The following MAF variants were observed in gnomAD, a reference collection of about 807,000 sequenced individuals.
MAF encodes transcription factor Maf.
MAF carries 10 observed loss-of-function variants against 22.0 expected under a neutral mutation model. That is an observed-to-expected ratio of 0.45 (90% CI 0.28 to 0.77). MAF has a LOEUF of 0.77. Among genes scored for constraint, MAF ranks in the 30% least tolerant of loss-of-function variants. The probability of loss-of-function intolerance (pLI) is 0.12; values close to 1 mark genes in which losing one functional copy is unlikely to be tolerated. For missense variants in MAF, 544 were observed against 548.4 expected (o/e 0.99, Z 0.08); for synonymous variants, 337 against 255.8 (o/e 1.32, Z -3.03).
the MAF span, among the ~76,000 whole-genome samples, chr16:79,230,142 T>C: frequency 6.6e-6 from 1 of 152,140 alleles, no homozygotes; most frequent in Non-Finnish European, 1.5e-5. Flanking sequence ...GCAAGCCCTA[T>C]CTTTGAGAAA....
chr16:79,488,691 A>G, the MAF span, among the ~76,000 whole-genome samples: 1 of 152,176 alleles, frequency 6.6e-6, no homozygotes, highest in Non-Finnish European at 1.5e-5. Flanking sequence ...GGGACAATGC[A>G]TCTCAGCCAT....
chr16:79,322,333 C>T, the MAF span, among the ~76,000 whole-genome samples: 4 of 152,072 alleles, frequency 2.6e-5, no homozygotes, highest in African/African-American at 9.7e-5. Flanking sequence ...ACCAACTGGC[C>T]ATTTTGAAGG....
chr16:79,307,831 T>C, the MAF span, among the ~76,000 whole-genome samples: 1 of 152,340 alleles, frequency 6.6e-6, no homozygotes. Context: ...CACCAAATCG[T>C]AAGCCAACAA....
At chr16:79,525,948 C>T in the MAF span, among the ~76,000 whole-genome samples, 16 of 152,256 alleles carry the variant, frequency 1.1e-4, 1 homozygote, top group South Asian at 1.0e-3. Flanking sequence ...TTCTTGGAGA[C>T]GTGAGGACAT....
the MAF span, among the ~76,000 whole-genome samples, chr16:79,298,970 A>G: frequency 1.3e-5 from 2 of 152,246 alleles, no homozygotes; most frequent in Non-Finnish European, 2.9e-5. Context: ...CGCCTGGCCC[A>G]CCAATGCTTG....
the MAF span, among the ~76,000 whole-genome samples, chr16:79,425,004 C>G: frequency 6.6e-6 from 1 of 152,122 alleles, no homozygotes; most frequent in South Asian, 2.1e-4. Context: ...ATGCTCTTTG[C>G]TTAGAGAAGG....
chr16:79,598,813 C>G lies in MAF; in HGVS notation c.1090G>C (p.Asp364His). Residue 364 changes from aspartate to histidine, a missense_variant, in exon 1 of 2, where the codon GAC (aspartate) becomes CAC (histidine). Around this residue, in one of 5 missense-constraint regions of MAF, gnomAD observed 129 missense variants for 113.6 expected, o/e 1.14. Coordinates refer to ENST00000326043, the MANE Select transcript of MAF (RefSeq NM_005360.5). ...AAAAACTCGGGAGAGGACGGGTTGT[C>G]GCTGCTCGAGCCGTTTTCTCGGAAG... ...SGFRENGSSS[D>H]NPSSPEFFIT... is the part of the protein sequence containing the mutation. The G allele has an allele frequency of 6.2e-7, 1 of 1,613,676 alleles. No homozygotes were observed. Among genetic ancestry groups the G allele is most frequent in the South Asian group, 1.1e-5 (1 of 91,034 alleles).
At chr16:79,570,420 C>T in the MAF span, among the ~76,000 whole-genome samples, 2 of 152,204 alleles carry the variant, frequency 1.3e-5, no homozygotes, top group Admixed American at 1.3e-4. Context: ...AGCCCTGGAG[C>T]ATCCTATCAC....
At chr16:79,309,983 G>A in the MAF span, among the ~76,000 whole-genome samples, 2 of 152,290 alleles carry the variant, frequency 1.3e-5, no homozygotes, top group East Asian at 1.9e-4. Context: ...AACTTACACC[G>A]TGGCTTAAAG....
At chr16:79,206,103 A>G in the MAF span, 2 of 152,092 alleles carry the variant, frequency 1.3e-5, no homozygotes, top group East Asian at 3.9e-4. Context: ...TATCATTTCA[A>G]TTTAGCTCCA....
chr16:79,431,171 C>A, the MAF span, among the ~76,000 whole-genome samples: 10 of 152,138 alleles, frequency 6.6e-5, no homozygotes, highest in Non-Finnish European at 1.5e-4. Context: ...CCCCATCCCT[C>A]AACCAAGCAT....
At chr16:79,270,216 CCCCTT>C in the MAF span, among the ~76,000 whole-genome samples, 1 of 151,830 alleles carries the variant, frequency 6.6e-6, no homozygotes, top group Non-Finnish European at 1.5e-5. Flanking sequence ...ACAGAAGGTA[CCCCTT>C]TAAAAAAGCA....
the MAF span, among the ~76,000 whole-genome samples, chr16:79,442,612 T>C: frequency 1.3e-5 from 2 of 152,200 alleles, no homozygotes; most frequent in African/African-American, 4.8e-5. Flanking sequence ...TGCAGCACGA[T>C]CATGGCTCAC....
the MAF span, among the ~76,000 whole-genome samples, chr16:79,289,855 T>TTTTTTTTTGTTTTG: frequency 7.8e-4 from 25 of 31,876 alleles, no homozygotes; most frequent in Middle Eastern, 0.025. Flanking sequence ...TGTTTGTGTA[T>TTTTTTTTTGTTTTG]TTTTTTTTTT....
the MAF span, among the ~76,000 whole-genome samples, chr16:79,525,888 A>T: frequency 6.6e-6 from 1 of 152,214 alleles, no homozygotes; most frequent in African/African-American, 2.4e-5. Context: ...GAATACAGTT[A>T]CTAACATCCC....
chr16:79,577,092 T>C, the MAF span, among the ~76,000 whole-genome samples: 1 of 152,060 alleles, frequency 6.6e-6, no homozygotes, highest in Admixed American at 6.6e-5. Flanking sequence ...TCTTTTTCAG[T>C]AGAAAAAAAG....
the MAF span, among the ~76,000 whole-genome samples, chr16:79,398,391 T>C: frequency 6.6e-6 from 1 of 152,232 alleles, no homozygotes; most frequent in African/African-American, 2.4e-5. Context: ...TAACAGAGCA[T>C]ATCCCCATTC....
At chr16:79,372,295 G>A in the MAF span, among the ~76,000 whole-genome samples, 1 of 151,920 alleles carries the variant, frequency 6.6e-6, no homozygotes, top group African/African-American at 2.4e-5. Flanking sequence ...AGAGCTGTAG[G>A]AACAAACATG....
the MAF span, among the ~76,000 whole-genome samples, chr16:79,263,942 G>C: frequency 3.5e-3 from 532 of 152,266 alleles, 4 homozygotes; most frequent in African/African-American, 0.012. Flanking sequence ...GGTTCTGGTG[G>C]CTAGATGTTT....
Sources: allele counts gnomAD v4.1 joint callset (sites outside exome capture counted in the v4.1 genomes callset), GRCh38; gene constraint gnomAD v4.1.1; regional missense constraint gnomAD v4.1.1; transcripts MANE v1.5; gene names NCBI Gene and HGNC (gene_info 2026-07-23, HGNC 2026-07-21).